The following CHD6 variants were observed in gnomAD, a reference collection of about 807,000 sequenced individuals.
The protein encoded by CHD6 is chromodomain helicase DNA binding protein 6.
In CHD6, 50 loss-of-function variants were observed where a neutral mutation model predicts 276.9. That is an observed-to-expected ratio of 0.18 (90% CI 0.14 to 0.23). The LOEUF is 0.23. CHD6 is among the 10% of genes least tolerant of loss of function. CHD6 has a pLI of 1.00. For missense variants in CHD6, 2,564 were observed against 3,365.8 expected, an observed-to-expected ratio of 0.76 and a Z score of 5.89; for synonymous variants, 1,173 against 1,229.3, an observed-to-expected ratio of 0.95 and a Z score of 0.96.
intron 1 of CHD6, among the ~76,000 whole-genome samples, chr20:41,575,812 G>A (rs1183223648): frequency 1.3e-5 from 2 of 152,122 alleles, no homozygotes; most frequent in Non-Finnish European, 1.5e-5. Flanking sequence ...ATACAGGACA[G>A]TCATTAATGA....
chr20:41,603,417 T>C (rs905274449), intron 1 of CHD6, among the ~76,000 whole-genome samples: 2 of 152,162 alleles, frequency 1.3e-5, no homozygotes, highest in African/African-American at 2.4e-5. Context: ...CAATATAGTG[T>C]TTTTATCACT....
chr20:41,600,786 G>A (rs1243557179), intron 1 of CHD6, among the ~76,000 whole-genome samples: 1 of 152,148 alleles, frequency 6.6e-6, no homozygotes, highest in African/African-American at 2.4e-5. Context: ...CTGGAGCTAA[G>A]CTAACCACCA....
intron 25 of CHD6, among the ~76,000 whole-genome samples, chr20:41,443,467 A>C (rs573731535): frequency 6.6e-6 from 1 of 152,330 alleles, no homozygotes; most frequent in East Asian, 1.9e-4. Flanking sequence ...TATTAATTAT[A>C]TCTTCCTGGT....
At chr20:41,445,026 C>A (rs2048021633) in intron 25 of CHD6, among the ~76,000 whole-genome samples, 1 of 152,172 alleles carries the variant, frequency 6.6e-6, no homozygotes, top group African/African-American at 2.4e-5. Flanking sequence ...TTTCATCATT[C>A]ATTTTAATGG....
Position 41,473,602 on chromosome 20 carries a change from G to T in CHD6, c.2469-85C>A. 2 of 1,129,422 alleles carry T rather than the reference G, an allele frequency of 1.8e-6. No individual in the cohort carries two copies. The highest frequency in any genetic ancestry group is 1.3e-6 in the Non-Finnish European group (1 of 768,918). 70.0% of individuals were successfully genotyped at this position (1,129,422 alleles called of 1,614,324 possible). On this transcript the variant is annotated intron_variant, in intron 16 of 36. Transcript: ENST00000373233. The surrounding 1 kb of genome is among the most constrained non-coding windows in gnomAD (Gnocchi z 4.1). ...CACAAAATGCAGGAAGCTGTCGACTGATGGCCTTAAATCCCTCACTTCTAA... is the reference window on the plus strand; with the variant it reads ...CACAAAATGCAGGAAGCTGTCGACTTATGGCCTTAAATCCCTCACTTCTAA...
chr20:41,497,277 GA>G lies in CHD6; in HGVS notation c.1092+106del, dbSNP rs561064796. 3,641 of 771,620 alleles carry G rather than the reference GA, an allele frequency of 4.7e-3. 16 individuals carry two copies. Among genetic ancestry groups the G allele is most frequent in the Non-Finnish European group, 5.8e-3 (2,501 of 434,902 alleles). The allele number at this position is 771,620 out of a possible 1,614,324, so 47.8% of individuals were successfully genotyped here. A position where few individuals can be genotyped will look rare whatever the true frequency, so the allele number is the denominator to read the frequency against. ...CAGCACACATTTATCAATTTGACTT[GA>G]GCAACAGATCTGTATAGGAATTTAA... On this transcript the variant is annotated intron_variant, in intron 8 of 36. Transcript: ENST00000373233.
chr20:41,411,422 C>T (rs563419352), intron 36 of CHD6, among the ~76,000 whole-genome samples: 1 of 151,718 alleles, frequency 6.6e-6, no homozygotes, highest in Non-Finnish European at 1.5e-5. Context: ...TATGGAACAA[C>T]CTGGGAAAGG....
In CHD6 at chr20:41,452,719, C is replaced by T. The variant is rs749358456; in HGVS notation, c.3323+21G>A. The T allele has an allele frequency of 1.2e-6, 2 of 1,605,282 alleles. No homozygotes were observed. The highest frequency in any genetic ancestry group is 1.1e-5 in the South Asian group (1 of 90,476). Reference sequence around the variant, plus strand: ...GGAACAAACAACAATAACAACAAAACTAAGCAGAGCCAATACCCACCCAAA... The same window carrying T: ...GGAACAAACAACAATAACAACAAAATTAAGCAGAGCCAATACCCACCCAAA... On this transcript the variant is annotated intron_variant, in intron 21 of 36. Transcript: ENST00000373233. This position sits in a 1 kb window ranked among gnomAD's most constrained non-coding sequence, Gnocchi z 4.2.
chr20:41,612,305 T>C (rs2045894897), intron 1 of CHD6, among the ~76,000 whole-genome samples: 1 of 152,256 alleles, frequency 6.6e-6, no homozygotes, highest in African/African-American at 2.4e-5. Flanking sequence ...CTTATCTTTC[T>C]GGAGCTGGTC....
At chr20:41,489,265 A>G (rs2143229) in intron 12 of CHD6, among the ~76,000 whole-genome samples, 141,253 of 152,292 alleles carry the variant, frequency 0.93, 65,630 homozygotes, top group East Asian at 1. Context: ...ATAAAAACCA[A>G]TGTGCAGGAC....
At chr20:41,515,012 T>G (rs773516956) in intron 3 of CHD6, 60 bp from the exon 4 acceptor site, 8 of 1,564,002 alleles carry the variant, frequency 5.1e-6, no homozygotes, top group Non-Finnish European at 7.0e-6. Flanking sequence ...AGATTTCTCA[T>G]GTGATCAACG....
chr20:41,444,098 C>T (rs557850567), intron 25 of CHD6, among the ~76,000 whole-genome samples: 4 of 152,168 alleles, frequency 2.6e-5, no homozygotes, highest in Non-Finnish European at 4.4e-5. Context: ...GGCCTTCCCC[C>T]ACAAACCAAA....
Position 41,404,890 on chromosome 20 carries a change from T to C in CHD6, c.7851A>G (p.Val2617=), listed in dbSNP as rs1316596743. ...VAFNPFLIPG[V]SPGLIYPSMF... ...TGGATGGGTAAATGAGTCCAGGAGATACTCCTGGGATGAGAAATGGGTTAA... is the reference window on the plus strand; with the variant it reads ...TGGATGGGTAAATGAGTCCAGGAGACACTCCTGGGATGAGAAATGGGTTAA... The change falls in exon 37 of 37, where the codon GTA becomes GTG. Residue 2617 remains valine (V), a synonymous_variant. Coordinates refer to ENST00000373233, the MANE Select transcript of CHD6 (RefSeq NM_032221.5). The C allele has an allele frequency of 6.2e-7, 1 of 1,613,406 alleles. No homozygotes were observed. The highest frequency in any genetic ancestry group is 2.2e-5 in the East Asian group (1 of 44,876).
At chr20:41,432,791 A>C (rs188590635) in intron 27 of CHD6, among the ~76,000 whole-genome samples, 1 of 152,234 alleles carries the variant, frequency 6.6e-6, no homozygotes, top group Non-Finnish European at 1.5e-5. Context: ...ATGATCTGAC[A>C]TAAGAATTTA....
At chr20:41,523,272 C>T (rs2044448431) in intron 3 of CHD6, among the ~76,000 whole-genome samples, 1 of 152,122 alleles carries the variant, frequency 6.6e-6, no homozygotes, top group African/African-American at 2.4e-5. Flanking sequence ...ATACTCCCAC[C>T]AATTAATGGC....
intron 5 of CHD6, among the ~76,000 whole-genome samples, chr20:41,502,827 G>A (rs1347968188): frequency 1.3e-5 from 2 of 152,160 alleles, no homozygotes; most frequent in Non-Finnish European, 2.9e-5. Flanking sequence ...CCAATACAGC[G>A]AAACCCTGTC....
At chr20:41,417,932 A>G (rs540717073) in intron 31 of CHD6, among the ~76,000 whole-genome samples, 4 of 152,278 alleles carry the variant, frequency 2.6e-5, no homozygotes, top group Non-Finnish European at 5.9e-5. Context: ...GTGAAAGTTT[A>G]TCATCAATGT....
intron 1 of CHD6, among the ~76,000 whole-genome samples, chr20:41,588,462 C>T (rs752143855): frequency 2.7e-4 from 41 of 152,154 alleles, no homozygotes; most frequent in Non-Finnish European, 5.4e-4. Context: ...AAGCATACTA[C>T]TAACCTCTGC....
chr20:41,491,787 A>C lies in CHD6; in HGVS notation c.1347T>G (p.Leu449=). 1.2e-6 allele frequency: 2 copies of C among 1,613,886 alleles called. No individual in the cohort carries two copies. The highest frequency in any genetic ancestry group is 1.1e-5 in the South Asian group (1 of 91,072). ...TGTTCTTATACTCGCGAGACTTCTC[A>C]AGTTTCTGCCAGGAGTCTGAAGCAG... ...ERPASDSWQK[L]EKSREYKNSN... is the part of the protein sequence containing the mutation. The change falls in exon 11 of 37, where the codon CTT becomes CTG. Residue 449 remains leucine, a synonymous_variant. Transcript: ENST00000373233.
Sources: allele counts gnomAD v4.1 joint callset (sites outside exome capture counted in the v4.1 genomes callset), GRCh38; gene constraint gnomAD v4.1.1; non-coding constraint Gnocchi (gnomAD v3.1); transcripts MANE v1.5; gene names NCBI Gene and HGNC (gene_info 2026-07-23, HGNC 2026-07-21).